The following IRS2 variants were observed in gnomAD, a reference collection of about 807,000 sequenced individuals.
IRS2 encodes the protein insulin receptor substrate 2.
In IRS2, 28 loss-of-function variants were observed where a neutral mutation model predicts 70.9. The ratio of observed to expected loss-of-function variants is 0.39; its 90% confidence interval spans 0.29 to 0.54. The LOEUF (loss-of-function observed/expected upper bound fraction) is 0.54, where lower values mean the gene tolerates loss of function less well. Ranked by LOEUF, IRS2 falls within the 20% of genes least tolerant of loss-of-function variation. The pLI is 0.59. For synonymous variants in IRS2, 1,217 were observed against 981.9 expected, an observed-to-expected ratio of 1.24 and a Z score of -4.48; for missense variants, 2,081 against 2,024.1, an observed-to-expected ratio of 1.03 and a Z score of -0.54.
intron 1 of IRS2, among the ~76,000 whole-genome samples, chr13:109,780,409 C>T (rs1396781101): frequency 6.6e-6 from 1 of 152,200 alleles, no homozygotes; most frequent in African/African-American, 2.4e-5. Flanking sequence ...TCACTGTTCA[C>T]AGGATACATT....
At chr13:109,761,175 C>G (rs1215070790) in intron 1 of IRS2, among the ~76,000 whole-genome samples, 1 of 152,212 alleles carries the variant, frequency 6.6e-6, no homozygotes, top group Admixed American at 6.5e-5. Context: ...ACGGCCACCA[C>G]GTAGGGCCCC....
chr13:109,760,312 C>T (rs983432761), intron 1 of IRS2, among the ~76,000 whole-genome samples: 1 of 152,184 alleles, frequency 6.6e-6, no homozygotes, highest in African/African-American at 2.4e-5. Flanking sequence ...AACACAATGA[C>T]AGAACACCAC....
intron 1 of IRS2, among the ~76,000 whole-genome samples, chr13:109,776,129 A>T (rs1168523579): frequency 1.3e-5 from 2 of 149,780 alleles, no homozygotes; most frequent in Non-Finnish European, 3.0e-5. Flanking sequence ...AGACTGAGTG[A>T]TAGAGTGAGA....
At chr13:109,757,103 T>G (rs530121985) in intron 1 of IRS2, among the ~76,000 whole-genome samples, 28 of 152,248 alleles carry the variant, frequency 1.8e-4, no homozygotes, top group Non-Finnish European at 3.8e-4. Flanking sequence ...ATCAAAATTC[T>G]TTAACCTTTC....
rs1877922288 is a variant in IRS2, at chr13:109,786,231, C to T, written c.-178G>A. ...CGGGGAGGCCCGCGGGGGCCAGCAC[C>T]GCTCGGCGGCGCCGCGCCCTCCGCG... On this transcript the variant is annotated 5_prime_UTR_variant, in exon 1 of 2. Coordinates refer to ENST00000375856, the MANE Select transcript of IRS2 (RefSeq NM_003749.3). The surrounding 1 kb of genome is among the most constrained non-coding windows in gnomAD (Gnocchi z 4.4). 1.1e-5 allele frequency: 2 copies of T among 178,050 alleles called. No homozygotes were observed. The highest frequency in any genetic ancestry group is 6.7e-5 in the Admixed American group (1 of 14,836). The allele number at this position is 178,050 out of a possible 1,614,324, so 11.0% of individuals were successfully genotyped here.
At position 109,785,503 on chromosome 13, in the gene IRS2, T is replaced by G. The variant is rs1435231893; in HGVS notation, c.551A>C (p.Tyr184Ser). Residue 184 changes from tyrosine (Y) to serine (S), a missense_variant, in exon 1 of 2, where the codon TAC (tyrosine) becomes TCC (serine). By Grantham distance (144) the Tyr-to-Ser change is moderately radical. Around this residue, in one of 4 missense-constraint regions of IRS2, gnomAD observed 320 missense variants for 352.9 expected, o/e 0.91. Coordinates refer to ENST00000375856, the MANE Select transcript of IRS2 (RefSeq NM_003749.3). This position sits in a 1 kb window ranked among gnomAD's most constrained non-coding sequence, Gnocchi z 9.3. Reference protein sequence around the residue: ...SAGAAGAEDSYGLVAPATAAY... With the variant: ...SAGAAGAEDSSGLVAPATAAY... ...GGCCGTGGCGGGAGCCACCAGCCCG[T>G]AGCTGTCCTCGGCCCCGGCGGCGCC... is the stretch of plus-strand genomic sequence containing the variant. 1 of 1,610,492 alleles carries G rather than the reference T, an allele frequency of 6.2e-7. No individual in the cohort carries two copies. Among genetic ancestry groups the G allele is most frequent in the South Asian group, 1.1e-5 (1 of 91,000 alleles).
At position 109,755,215 on chromosome 13, in the gene IRS2, T is replaced by TC. The variant is rs386380699; in HGVS notation, c.*1088_*1089insG. 1.2e-3 allele frequency: 84 copies of TC among 71,832 alleles called. No individual in the cohort carries two copies. In the African/African-American group the frequency reaches 0.02, roughly 17 times the overall value. 4.4% of individuals were successfully genotyped at this position (71,832 alleles called of 1,614,324 possible). On this transcript the variant is annotated 3_prime_UTR_variant, in exon 2 of 2. Transcript: ENST00000375856. ...TCTTTTTATCAGTTTCTTTCTTTCC[T>TC]TTTTTTTTTTTCTTTTTGTTTTTTT...
chr13:109,786,054 C>G lies in IRS2; in HGVS notation c.-1G>C. 8.0e-7 allele frequency: 1 copy of G among 1,244,370 alleles called. No individual in the cohort carries two copies. Among genetic ancestry groups the G allele is most frequent in the Non-Finnish European group, 1.0e-6 (1 of 998,404 alleles). The allele number at this position is 1,244,370 out of a possible 1,614,324, so 77.1% of individuals were successfully genotyped here. On this transcript the variant is annotated 5_prime_UTR_variant, in exon 1 of 2. Transcript: ENST00000375856. The surrounding 1 kb of genome is among the most constrained non-coding windows in gnomAD (Gnocchi z 4.4). ...GCCCGTGCCGCGGCGGGCTCGCCATCGCGGGCGCTTCAGGCCGCGCGGCCC... is the reference window on the plus strand; with the variant it reads ...GCCCGTGCCGCGGCGGGCTCGCCATGGCGGGCGCTTCAGGCCGCGCGGCCC...
Position 109,785,817 on chromosome 13 carries a change from C to T in IRS2, c.237G>A (p.Glu79=). 1.3e-6 allele frequency: 2 copies of T among 1,577,786 alleles called. No individual in the cohort carries two copies. Among genetic ancestry groups the T allele is most frequent in the South Asian group, 1.1e-5 (1 of 88,406 alleles). ...CGCCTGCCTTGCTCCGCCACTTTTT[C>T]TCGCTCTCGTAGTACTCGAGCCGCG... ...QPPRLEYYES[E]KKWRSKAGAP... The change falls in exon 1 of 2, where the codon GAG becomes GAA. Residue 79 remains glutamate (E), a synonymous_variant. Transcript: ENST00000375856. This position sits in a 1 kb window ranked among gnomAD's most constrained non-coding sequence, Gnocchi z 9.3.
At chr13:109,777,987 AT>A (rs1877616378) in intron 1 of IRS2, among the ~76,000 whole-genome samples, 1 of 152,330 alleles carries the variant, frequency 6.6e-6, no homozygotes, top group South Asian at 2.1e-4. Context: ...TGCTGGCTCC[AT>A]TTTCAGACTA....
rs1877920837 is a variant in IRS2, at chr13:109,786,207, G to A, written c.-154C>T. 1 of 268,832 alleles carries A rather than the reference G, an allele frequency of 3.7e-6. No homozygotes were observed. Among genetic ancestry groups the A allele is most frequent in the Non-Finnish European group, 5.6e-6 (1 of 177,540 alleles). The allele number at this position is 268,832 out of a possible 1,614,324, so 16.7% of individuals were successfully genotyped here. On this transcript the variant is annotated 5_prime_UTR_variant, in exon 1 of 2. Coordinates refer to ENST00000375856, the MANE Select transcript of IRS2 (RefSeq NM_003749.3). The surrounding 1 kb of genome is among the most constrained non-coding windows in gnomAD (Gnocchi z 4.4). ...CGGGCCCAGGCGGTGGGGAAGGTCCGGGGAGGCCCGCGGGGGCCAGCACCG... is the reference window on the plus strand; with the variant it reads ...CGGGCCCAGGCGGTGGGGAAGGTCCAGGGAGGCCCGCGGGGGCCAGCACCG...
In IRS2 at chr13:109,771,303, T is replaced by C. The variant is rs574168241; in HGVS notation, c.4012+10739A>G. Among the ~76,000 whole-genome samples, 11 of 152,278 alleles carry C rather than the reference T, an allele frequency of 7.2e-5. No individual in the cohort carries two copies. The South Asian group carries it at 2.1e-3, about 29-fold the overall frequency. On this transcript the variant is annotated intron_variant, in intron 1 of 1. Transcript: ENST00000375856. ...TATCTAGTATTTTCATGCAGTTCAA[T>C]ATTAATATTTAATTTTTTTCTCTTT...
Position 109,782,275 on chromosome 13 carries a change from T to A in IRS2, c.3779A>T (p.Glu1260Val). 1 of 1,610,104 alleles carries A rather than the reference T, an allele frequency of 6.2e-7. No homozygotes were observed. The highest frequency in any genetic ancestry group is 8.5e-7 in the Non-Finnish European group (1 of 1,178,968). The change falls in exon 1 of 2, where the codon GAG (glutamate) becomes GTG (valine). Residue 1260 changes from glutamate (E) to valine (V), a missense_variant. Physicochemically the swap from Glu to Val is moderately radical, Grantham distance 121. Around this residue, in one of 4 missense-constraint regions of IRS2, gnomAD observed 1,615 missense variants for 1,459.5 expected, o/e 1.11. Coordinates refer to ENST00000375856, the MANE Select transcript of IRS2 (RefSeq NM_003749.3). ...CGGCTGGGGTGGCAGCCCGGGCTCC[T>A]CCCTCACGTCGATGGCGATGTAGTT... ...GLNYIAIDVR[E>V]EPGLPPQPQP...
Position 109,785,560 on chromosome 13 carries a change from G to A in IRS2, c.494C>T (p.Ala165Val), listed in dbSNP as rs561296790. ...PAAAPAASCSASLPGALGGSA... is the reference protein window; with the variant it reads ...PAAAPAASCSVSLPGALGGSA... ...GCCGCCCAGGGCGCCGGGCAGGGAG[G>A]CGCTGCAGGACGCGGCGGGCGCGGC... Residue 165 changes from alanine (A) to valine (V), a missense_variant, in exon 1 of 2, where the codon GCC becomes GTC. Transcript: ENST00000375856. This position sits in a 1 kb window ranked among gnomAD's most constrained non-coding sequence, Gnocchi z 9.3. The A allele has an allele frequency of 2.6e-5, 37 of 1,436,142 alleles. No individual in the cohort carries two copies. The highest frequency in any genetic ancestry group is 7.0e-5 in the South Asian group (5 of 71,096). 89.0% of individuals were successfully genotyped at this position (1,436,142 alleles called of 1,614,324 possible).
Position 109,785,897 on chromosome 13 carries a change from G to A in IRS2, c.157C>T (p.Pro53Ser). ...GHKRFFVLRG[P>S]GAGGDEATAG... Reference sequence around the variant, plus strand: ...GTCGCCTCGTCGCCGCCCGCGCCGGGTCCGCGCAGCACGAAGAAGCGCTTG... The same window carrying A: ...GTCGCCTCGTCGCCGCCCGCGCCGGATCCGCGCAGCACGAAGAAGCGCTTG... The change falls in exon 1 of 2, where the codon CCC becomes TCC. Residue 53 changes from proline (P) to serine (S), a missense_variant. Coordinates refer to ENST00000375856, the MANE Select transcript of IRS2 (RefSeq NM_003749.3). The surrounding 1 kb of genome is among the most constrained non-coding windows in gnomAD (Gnocchi z 9.3). 1.3e-6 allele frequency: 2 copies of A among 1,495,254 alleles called. No homozygotes were observed. Among genetic ancestry groups the A allele is most frequent in the Non-Finnish European group, 1.8e-6 (2 of 1,129,842 alleles). The allele number at this position is 1,495,254 out of a possible 1,614,324, so 92.6% of individuals were successfully genotyped here. A position where few individuals can be genotyped will look rare whatever the true frequency, so the allele number is the denominator to read the frequency against.
At chr13:109,757,975 G>T (rs1230494154) in intron 1 of IRS2, among the ~76,000 whole-genome samples, 1 of 152,164 alleles carries the variant, frequency 6.6e-6, no homozygotes, top group African/African-American at 2.4e-5. Flanking sequence ...GGCCACTGCG[G>T]CCGGCCTATC....
chr13:109,779,089 G>A (rs1025692558), intron 1 of IRS2, among the ~76,000 whole-genome samples: 1 of 152,172 alleles, frequency 6.6e-6, no homozygotes, highest in African/African-American at 2.4e-5. Flanking sequence ...AATAAAAACA[G>A]ATGTACCTGA....
At position 109,786,459 on chromosome 13, in the gene IRS2, G is replaced by A. The variant is rs958591794; in HGVS notation, c.-406C>T. On this transcript the variant is annotated 5_prime_UTR_variant, in exon 1 of 2. Transcript: ENST00000375856. This position sits in a 1 kb window ranked among gnomAD's most constrained non-coding sequence, Gnocchi z 4.4. ...CTGCCGCCGCGTCGCGCTCCGGGAA[G>A]CCGGGGTGCGCCCGGGCGCTCGGGG... 3 of 148,546 alleles carry A rather than the reference G, an allele frequency of 2.0e-5. No individual in the cohort carries two copies. Among genetic ancestry groups the A allele is most frequent in the African/African-American group, 7.3e-5 (3 of 40,874 alleles). 9.2% of individuals were successfully genotyped at this position (148,546 alleles called of 1,614,324 possible).
Position 109,785,881 on chromosome 13 carries a change from T to A in IRS2, c.173A>T (p.Asp58Val). 6.7e-7 allele frequency: 1 copy of A among 1,502,046 alleles called. No homozygotes were observed. Among genetic ancestry groups the A allele is most frequent in the Non-Finnish European group, 8.8e-7 (1 of 1,131,500 alleles). The allele number at this position is 1,502,046 out of a possible 1,614,324, so 93.0% of individuals were successfully genotyped here. A position where few individuals can be genotyped will look rare whatever the true frequency, so the allele number is the denominator to read the frequency against. ...CGACCCCCCGCCCGCCGTCGCCTCG[T>A]CGCCGCCCGCGCCGGGTCCGCGCAG... Reference protein sequence around the residue: ...FVLRGPGAGGDEATAGGGSAP... With the variant: ...FVLRGPGAGGVEATAGGGSAP... Residue 58 changes from aspartate to valine, a missense_variant, in exon 1 of 2, where the codon GAC becomes GTC. This residue lies in a region of IRS2 where 320 missense variants were observed against 352.9 expected (regional missense o/e 0.91). Coordinates refer to ENST00000375856, the MANE Select transcript of IRS2 (RefSeq NM_003749.3). This position sits in a 1 kb window ranked among gnomAD's most constrained non-coding sequence, Gnocchi z 9.3.
Sources: gnomAD v4.1 joint callset for allele counts (sites outside exome capture counted in the v4.1 genomes callset) on GRCh38, gnomAD v4.1.1 for gene constraint, gnomAD v4.1.1 regional missense constraint, Gnocchi (gnomAD v3.1) non-coding constraint, MANE v1.5 for transcripts, NCBI Gene and HGNC (gene_info 2026-07-23, HGNC 2026-07-21) for gene names.